KIF26B: variants seen among roughly 807,000 people sequenced by gnomAD.
The protein encoded by KIF26B is kinesin-like protein KIF26B.
Under a neutral mutation model 151.2 loss-of-function variants are expected in KIF26B, and 63 were observed. The ratio of observed to expected loss-of-function variants is 0.42; its 90% CI spans 0.34 to 0.51. The LOEUF is 0.51. Ranked by LOEUF, KIF26B falls within the 20% of genes least tolerant of loss-of-function variation. The pLI, the probability that KIF26B is intolerant of heterozygous loss-of-function variation, is 0.07. For missense variants in KIF26B, 2,813 were observed against 2,913.6 expected, an observed-to-expected ratio of 0.97 and a Z score of 0.79; for synonymous variants, 1,357 against 1,262.1, an observed-to-expected ratio of 1.08 and a Z score of -1.59.
At chr1:245,439,452 T>C (rs1659014868) in intron 4 of KIF26B, among the ~76,000 whole-genome samples, 1 of 151,392 alleles carries the variant, frequency 6.6e-6, no homozygotes, top group African/African-American at 2.4e-5. Context: ...GTAAATAGAG[T>C]TGCAATAAGT....
rs1309065005 is a variant in KIF26B, at chr1:245,688,626, G to A, written c.5643G>A (p.Pro1881=). 10 of 1,598,062 alleles carry A rather than the reference G, an allele frequency of 6.3e-6. No homozygotes were observed. The highest frequency in any genetic ancestry group is 2.3e-5 in the South Asian group (2 of 88,462). The change falls in exon 12 of 15, where the codon CCG becomes CCA. Residue 1881 remains proline (P), a synonymous_variant. Coordinates refer to ENST00000407071, the MANE Select transcript of KIF26B (RefSeq NM_018012.4). ...NSSVLSGELP[P]AMGKTALFYH... ...GCGTGCTGAGCGGGGAGCTCCCGCC[G>A]GCCATGGGGAAGACGGCCCTGTTCT...
chr1:245,304,191 A>G (rs1671493084), intron 2 of KIF26B, among the ~76,000 whole-genome samples: 2 of 152,194 alleles, frequency 1.3e-5, no homozygotes, highest in South Asian at 4.1e-4. Flanking sequence ...GGGATTTCAG[A>G]TGGATTCCAG....
At chr1:245,305,006 G>A (rs1671509952) in intron 2 of KIF26B, among the ~76,000 whole-genome samples, 1 of 152,176 alleles carries the variant, frequency 6.6e-6, no homozygotes, top group Non-Finnish European at 1.5e-5. Flanking sequence ...AGAAGTGTGG[G>A]TATAGTGGAG....
At chr1:245,522,842 A>T (rs1046896471) in intron 4 of KIF26B, among the ~76,000 whole-genome samples, 2 of 152,238 alleles carry the variant, frequency 1.3e-5, no homozygotes, top group Non-Finnish European at 2.9e-5. Context: ...GGCTTACAGC[A>T]AAGGCATCCC....
intron 9 of KIF26B, chr1:245,615,059 G>A (rs1342926678): frequency 6.6e-6 from 1 of 151,876 alleles, no homozygotes; most frequent in African/African-American, 2.4e-5. Context: ...CATTTCTCCT[G>A]ACTGTGTGGG....
At chr1:245,348,957 G>C (rs183217551) in intron 2 of KIF26B, among the ~76,000 whole-genome samples, 4 of 152,178 alleles carry the variant, frequency 2.6e-5, no homozygotes, top group South Asian at 4.2e-4. Flanking sequence ...TGTGGAAAAG[G>C]GCCTCATTCC....
intron 2 of KIF26B, among the ~76,000 whole-genome samples, chr1:245,183,994 T>C (rs1668950171): frequency 6.7e-6 from 1 of 148,650 alleles, no homozygotes; most frequent in Non-Finnish European, 1.5e-5. Flanking sequence ...TTTCATTGGA[T>C]TTTTTCCTAC....
intron 4 of KIF26B, among the ~76,000 whole-genome samples, chr1:245,483,388 A>G (rs1193477088): frequency 2.0e-5 from 3 of 151,876 alleles, no homozygotes; most frequent in Non-Finnish European, 1.5e-5. Context: ...TGGGGTTGCA[A>G]TCCAGGTCTG....
chr1:245,602,550 A>G lies in KIF26B; in HGVS notation c.1351-27A>G, dbSNP rs1262243544. The G allele has an allele frequency of 2.5e-6, 4 of 1,574,862 alleles. No individual in the cohort carries two copies. Among genetic ancestry groups the G allele is most frequent in the Non-Finnish European group, 3.5e-6 (4 of 1,156,358 alleles). ...GTAAAACACCCAGCTGTCTTCATCCATGCTGTCGCCCATCTTTTCTTAACA... is the reference window on the plus strand; with the variant it reads ...GTAAAACACCCAGCTGTCTTCATCCGTGCTGTCGCCCATCTTTTCTTAACA... On this transcript the variant is annotated intron_variant, in intron 5 of 14. Transcript: ENST00000407071. The surrounding 1 kb of genome is among the most constrained non-coding windows in gnomAD (Gnocchi z 4.5).
intron 2 of KIF26B, among the ~76,000 whole-genome samples, chr1:245,157,680 A>T (rs1668469196): frequency 6.6e-6 from 1 of 152,242 alleles, no homozygotes; most frequent in Non-Finnish European, 1.5e-5. Context: ...GACCACCAGG[A>T]GAATTGGTTT....
intron 5 of KIF26B, among the ~76,000 whole-genome samples, chr1:245,552,843 A>G (rs1009209781): frequency 1.3e-5 from 2 of 151,984 alleles, no homozygotes; most frequent in African/African-American, 4.8e-5. Context: ...CAAGTGATCC[A>G]CCTGCCTTGG....
intron 5 of KIF26B, among the ~76,000 whole-genome samples, chr1:245,546,660 G>A (rs1395817200): frequency 1.3e-5 from 2 of 152,184 alleles, no homozygotes. Context: ...TCTGGATCCC[G>A]CTAGATCCCA....
At position 245,239,894 on chromosome 1, in the gene KIF26B, G is replaced by A. The variant is rs1040241744; in HGVS notation, c.465+83211G>A. Among the ~76,000 whole-genome samples the A allele has an allele frequency of 1.3e-5, 2 of 152,018 alleles. No homozygotes were observed. Among genetic ancestry groups the A allele is most frequent in the East Asian group, 1.9e-4 (1 of 5,186 alleles). On this transcript the variant is annotated intron_variant, in intron 2 of 14. Transcript: ENST00000407071. The surrounding 1 kb of genome is among the most constrained non-coding windows in gnomAD (Gnocchi z 4.3). Reference sequence around the variant, plus strand: ...TTTACTATATAAAGAGTCACTTTCCGGCCGGGTGTGGTCACTCACGCCTGT... The same window carrying A: ...TTTACTATATAAAGAGTCACTTTCCAGCCGGGTGTGGTCACTCACGCCTGT...
chr1:245,186,253 G>A (rs12089708), intron 2 of KIF26B, among the ~76,000 whole-genome samples: 19,838 of 151,954 alleles, frequency 0.13, 1,863 homozygotes, highest in African/African-American at 0.26. Flanking sequence ...TGCCCCCTTC[G>A]ATGAGTCATG....
chr1:245,613,825 A>G (rs1396048324), intron 9 of KIF26B, among the ~76,000 whole-genome samples: 1 of 152,210 alleles, frequency 6.6e-6, no homozygotes, highest in Non-Finnish European at 1.5e-5. Context: ...ATTGCAGTAT[A>G]AGGTACATTC....
chr1:245,521,431 A>G (rs1661107371), intron 4 of KIF26B, among the ~76,000 whole-genome samples: 1 of 152,222 alleles, frequency 6.6e-6, no homozygotes, highest in Admixed American at 6.5e-5. Context: ...GTCTGTTAAT[A>G]TAATCTGACA....
chr1:245,618,091 G>A (rs1425506362), intron 9 of KIF26B, among the ~76,000 whole-genome samples: 2 of 152,140 alleles, frequency 1.3e-5, no homozygotes, highest in African/African-American at 4.8e-5. Flanking sequence ...GGAGGGAAAA[G>A]GAAAGGAAAG....
At chr1:245,481,581 G>C (rs919541367) in intron 4 of KIF26B, among the ~76,000 whole-genome samples, 8 of 151,824 alleles carry the variant, frequency 5.3e-5, no homozygotes, top group African/African-American at 1.9e-4. Context: ...CCACATCTTT[G>C]ATCTTTTTGC....
At chr1:245,691,154 T>C (rs1267968034) in intron 12 of KIF26B, among the ~76,000 whole-genome samples, 1 of 152,240 alleles carries the variant, frequency 6.6e-6, no homozygotes, top group Non-Finnish European at 1.5e-5. Context: ...CACAGGTTTT[T>C]GTTTTTTTCC....
Sources: gnomAD v4.1 joint callset for allele counts (sites outside exome capture counted in the v4.1 genomes callset) on GRCh38, gnomAD v4.1.1 for gene constraint, Gnocchi (gnomAD v3.1) non-coding constraint, MANE v1.5 for transcripts, NCBI Gene and HGNC (gene_info 2026-07-23, HGNC 2026-07-21) for gene names.